The following ZNRF1 variants were observed in gnomAD, a reference collection of about 807,000 sequenced individuals.
ZNRF1 encodes the protein zinc and ring finger 1, also known as E3 ubiquitin-protein ligase ZNRF1.
In ZNRF1, 3 loss-of-function variants were observed where a neutral mutation model predicts 18.4. The ratio of observed to expected loss-of-function variants is 0.16; its 90% confidence interval spans 0.07 to 0.42. The LOEUF (loss-of-function observed/expected upper bound fraction) is 0.42. ZNRF1 is among the 10% of genes least tolerant of loss of function. The pLI, the probability that ZNRF1 is intolerant of heterozygous loss-of-function variation, is 0.99. For missense variants in ZNRF1, 310 were observed against 329.8 expected (o/e 0.94, Z 0.47); for synonymous variants, 157 against 144.2 (o/e 1.09, Z -0.64).
intron 1 of ZNRF1, among the ~76,000 whole-genome samples, chr16:75,048,028 T>G (rs1224959866): frequency 1.3e-5 from 2 of 151,986 alleles, no homozygotes; most frequent in African/African-American, 4.8e-5. Flanking sequence ...CATGGCTCAC[T>G]ATAGCCTCAA....
At chr16:75,043,061 A>T (rs1250098163) in intron 1 of ZNRF1, among the ~76,000 whole-genome samples, 10 of 152,194 alleles carry the variant, frequency 6.6e-5, no homozygotes, top group Non-Finnish European at 4.4e-5. Flanking sequence ...GCACTCCAAA[A>T]ATACTTGAAT....
chr16:75,085,549 G>C (rs1340259503), intron 1 of ZNRF1, among the ~76,000 whole-genome samples: 1 of 152,110 alleles, frequency 6.6e-6, no homozygotes, highest in Non-Finnish European at 1.5e-5. Flanking sequence ...TAAATACATA[G>C]ATGAGAATTT....
chr16:75,074,742 A>G (rs979200054), intron 1 of ZNRF1, among the ~76,000 whole-genome samples: 1 of 151,958 alleles, frequency 6.6e-6, no homozygotes, highest in South Asian at 2.1e-4. Flanking sequence ...ACTCTATTCA[A>G]TTTTTTTGTT....
intron 1 of ZNRF1, among the ~76,000 whole-genome samples, chr16:75,090,670 G>A (rs2036126604): frequency 6.6e-6 from 1 of 152,178 alleles, no homozygotes; most frequent in African/African-American, 2.4e-5. Context: ...TGAGGAAAGA[G>A]GTTGGGGAAA....
intron 1 of ZNRF1, among the ~76,000 whole-genome samples, chr16:75,055,174 A>G (rs2035652599): frequency 6.6e-6 from 1 of 152,192 alleles, no homozygotes; most frequent in Non-Finnish European, 1.5e-5. Context: ...TGGGAACGTC[A>G]TTTGGACTCT....
chr16:75,048,749 C>T (rs1452403226), intron 1 of ZNRF1, among the ~76,000 whole-genome samples: 1 of 152,100 alleles, frequency 6.6e-6, no homozygotes, highest in Non-Finnish European at 1.5e-5. Flanking sequence ...TCAGTCTGTC[C>T]GTGGCTTGGT....
intron 1 of ZNRF1, among the ~76,000 whole-genome samples, chr16:75,033,426 A>G (rs2035332497): frequency 7.1e-6 from 1 of 140,306 alleles, no homozygotes; most frequent in Non-Finnish European, 1.5e-5. Flanking sequence ...TTTTCTCATC[A>G]GTGTTTTATA....
rs141541765 is a variant in ZNRF1, at chr16:75,101,544, C to CA, written c.521-3230dup. On this transcript the variant is annotated intron_variant, in intron 2 of 4. Transcript: ENST00000335325. ...CTGGCGATAGAGCGAGACTCCATGT[C>CA]AAAAAAAAAAGAGAGAGAACGCCCC... Among the ~76,000 whole-genome samples, 174 of 146,490 alleles carry CA rather than the reference C, an allele frequency of 1.2e-3. 1 individual carries two copies. Among genetic ancestry groups the CA allele is most frequent in the East Asian group, 5.4e-3 (27 of 4,980 alleles).
At chr16:75,072,208 G>A (rs1440493363) in intron 1 of ZNRF1, among the ~76,000 whole-genome samples, 5 of 151,976 alleles carry the variant, frequency 3.3e-5, no homozygotes, top group Non-Finnish European at 5.9e-5. Flanking sequence ...CTGGACTCAA[G>A]CAGTCCTCCT....
At chr16:75,097,452 C>T (rs2036212434) in intron 2 of ZNRF1, among the ~76,000 whole-genome samples, 3 of 152,126 alleles carry the variant, frequency 2.0e-5, no homozygotes, top group Admixed American at 2.0e-4. Flanking sequence ...TGTCATGATG[C>T]CCTCTTCCTC....
At chr16:75,032,435 AT>A (rs1203503858) in intron 1 of ZNRF1, among the ~76,000 whole-genome samples, 1 of 152,088 alleles carries the variant, frequency 6.6e-6, no homozygotes, top group African/African-American at 2.4e-5. Context: ...GGGTCTTCAT[AT>A]ATAGTCCTTG....
At position 75,107,966 on chromosome 16, in the gene ZNRF1, C is replaced by G. The variant is rs1597914967; in HGVS notation, c.*266C>G. 1 of 351,894 alleles carries G rather than the reference C, an allele frequency of 2.8e-6. No homozygotes were observed. The highest frequency in any genetic ancestry group is 5.7e-6 in the Non-Finnish European group (1 of 175,312). 21.8% of individuals were successfully genotyped at this position (351,894 alleles called of 1,614,324 possible). A position where few individuals can be genotyped will look rare whatever the true frequency, so the allele number is the denominator to read the frequency against. On this transcript the variant is annotated 3_prime_UTR_variant, in exon 5 of 5. Coordinates refer to ENST00000335325, the MANE Select transcript of ZNRF1 (RefSeq NM_032268.5). ...AGGGAAAGGGCATTTTCTTTTTCAT[C>G]TTTGAAAGGCATTGTGGGTCTGTCT...
chr16:75,093,479 G>T, intron 1 of ZNRF1, 93 bp from the exon 2 acceptor site: 1 of 963,534 alleles, frequency 1.0e-6, no homozygotes, highest in East Asian at 2.5e-5. Flanking sequence ...CATTGACCCT[G>T]AGCCCACATG....
intron 1 of ZNRF1, among the ~76,000 whole-genome samples, chr16:75,019,720 T>C (rs1420394098): frequency 1.3e-5 from 2 of 152,120 alleles, no homozygotes; most frequent in African/African-American, 4.8e-5. Flanking sequence ...TTTGTTCTGT[T>C]TTGTTTTGTT....
intron 1 of ZNRF1, among the ~76,000 whole-genome samples, chr16:75,027,262 C>T (rs150706472): frequency 1.3e-5 from 2 of 152,074 alleles, no homozygotes; most frequent in African/African-American, 4.8e-5. Context: ...CATAGCAAGA[C>T]CCTGTCTCTT....
chr16:75,032,787 C>A (rs1597869758), intron 1 of ZNRF1, among the ~76,000 whole-genome samples: 1 of 152,060 alleles, frequency 6.6e-6, no homozygotes, highest in Admixed American at 6.6e-5. Context: ...CTTTGGGAGG[C>A]CAAGTCAGGA....
Position 75,000,056 on chromosome 16 carries a change from C to T in ZNRF1, c.385C>T (p.Pro129Ser). 6.2e-7 allele frequency: 1 copy of T among 1,601,936 alleles called. No homozygotes were observed. Among genetic ancestry groups the T allele is most frequent in the Non-Finnish European group, 8.5e-7 (1 of 1,175,548 alleles). Residue 129 changes from proline (P) to serine (S), a missense_variant, in exon 1 of 5, where the codon CCT becomes TCT. By Grantham distance (74) the Pro-to-Ser change is moderately conservative. Around this residue, in one of 2 missense-constraint regions of ZNRF1, gnomAD observed 293 missense variants for 291.2 expected, o/e 1.01. Transcript: ENST00000335325. The part of the protein sequence containing the change: ...GSRASLADAL[P>S]LHIAPRWFSS... ...CCGAGCCTCGCTGGCGGATGCTCTA[C>T]CTCTGCACATCGCACCCAGGTGGTT...
intron 1 of ZNRF1, among the ~76,000 whole-genome samples, chr16:75,069,173 AAAG>A (rs1374203711): frequency 7.9e-5 from 12 of 152,272 alleles, no homozygotes; most frequent in African/African-American, 2.9e-4. Flanking sequence ...CCTTTTCAGA[AAAG>A]AAAAAAAAAA....
At chr16:75,063,889 C>T (rs758451697) in intron 1 of ZNRF1, among the ~76,000 whole-genome samples, 3 of 152,294 alleles carry the variant, frequency 2.0e-5, no homozygotes, top group African/African-American at 4.8e-5. Context: ...TGTATCTGCC[C>T]CCCTCATGCT....
Sources: allele counts gnomAD v4.1 joint callset (sites outside exome capture counted in the v4.1 genomes callset), GRCh38; gene constraint gnomAD v4.1.1; regional missense constraint gnomAD v4.1.1; transcripts MANE v1.5; gene names NCBI Gene and HGNC (gene_info 2026-07-23, HGNC 2026-07-21).